Variants in PRKCH observed in about 807,000 individuals in gnomAD.
The protein encoded by PRKCH is protein kinase C eta type.
Under a neutral mutation model 82.5 loss-of-function variants are expected in PRKCH, and 28 were observed. The observed-to-expected ratio is 0.34, with a 90% confidence interval of 0.25 to 0.47. The LOEUF (loss-of-function observed/expected upper bound fraction) is 0.47, where lower values mean the gene tolerates loss of function less well. PRKCH is among the 20% of genes least tolerant of loss of function. PRKCH has a pLI of 1.00. For missense variants in PRKCH, 705 were observed against 881.8 expected (o/e 0.80, Z 2.54); for synonymous variants, 322 against 327.4 (o/e 0.98, Z 0.18).
chr14:61,449,884 CTCTCTCTCTCTCTCTCTG>C (rs201501625), intron 5 of PRKCH, among the ~76,000 whole-genome samples: 72,892 of 134,246 alleles, frequency 0.54, 21,886 homozygotes, highest in Non-Finnish European at 0.7. Flanking sequence ...CTCTCTCTCT[CTCTCTCTCTCTCTCTCTG>C]TGTGTGTGTG....
chr14:61,238,650 T>C (rs2044810391), intron 1 of PRKCH, among the ~76,000 whole-genome samples: 1 of 152,218 alleles, frequency 6.6e-6, no homozygotes, highest in African/African-American at 2.4e-5. Flanking sequence ...TTTTTCCGTT[T>C]AGTTTCACCT....
intron 1 of PRKCH, among the ~76,000 whole-genome samples, chr14:61,230,622 T>C (rs944200601): frequency 6.6e-6 from 1 of 152,224 alleles, no homozygotes; most frequent in East Asian, 1.9e-4. Context: ...TCCATCTATA[T>C]GTATGACAGA....
rs184778044 is a variant in PRKCH, at chr14:61,280,142, G to T, written c.-19+92474G>T. On this transcript the variant is annotated intron_variant, in intron 1 of 3. Coordinates refer to the PRKCH transcript ENST00000555185. The surrounding 1 kb of genome is among the most constrained non-coding windows in gnomAD (Gnocchi z 5.0). The stretch of plus-strand genomic sequence containing the variant: ...TCCTGGTAGCGAATGTAGACGACCA[G>T]CATGACAAAGCCGGTGAGGATGCAG... 1.4e-5 allele frequency: 23 copies of T among 1,614,036 alleles called. No homozygotes were observed. In the Admixed American group the frequency reaches 2.7e-4, roughly 19 times the overall value.
At chr14:61,476,477 C>T (rs897753361) in intron 9 of PRKCH, 3 of 152,196 alleles carry the variant, frequency 2.0e-5, no homozygotes, top group Admixed American at 6.6e-5. Flanking sequence ...CTGCTGTACC[C>T]CTGATCATAT....
At chr14:61,526,492 GCATTTTCTAGTGGC>G (rs1473836192) in intron 10 of PRKCH, among the ~76,000 whole-genome samples, 2 of 152,176 alleles carry the variant, frequency 1.3e-5, no homozygotes, top group African/African-American at 4.8e-5. Context: ...CCATTCCTGG[GCATTTTCTAGTGGC>G]CATTTTCTGT....
intron 1 of PRKCH, among the ~76,000 whole-genome samples, chr14:61,245,980 T>A (rs1404052355): frequency 6.6e-6 from 1 of 152,152 alleles, no homozygotes; most frequent in Non-Finnish European, 1.5e-5. Flanking sequence ...ATCAGTGATG[T>A]GAGGGAGAGC....
chr14:61,252,551 A>G (rs2044955840), intron 1 of PRKCH, among the ~76,000 whole-genome samples: 2 of 152,170 alleles, frequency 1.3e-5, no homozygotes, highest in Non-Finnish European at 1.5e-5. Flanking sequence ...CTGGGATGAG[A>G]TATCTGGCTG....
chr14:61,276,936 C>A (rs1337178190), intron 1 of PRKCH, among the ~76,000 whole-genome samples: 6 of 152,120 alleles, frequency 3.9e-5, no homozygotes, highest in Non-Finnish European at 8.8e-5. Context: ...GTAATCCCAG[C>A]ACTTTGGGAG....
intron 2 of PRKCH, among the ~76,000 whole-genome samples, chr14:61,415,890 A>G (rs1029639243): frequency 1.3e-5 from 2 of 152,010 alleles, no homozygotes; most frequent in African/African-American, 4.8e-5. Context: ...TTCTGTCTCT[A>G]TAGATTTGAC....
At chr14:61,247,661 T>C in intron 1 of PRKCH, among the ~76,000 whole-genome samples, 1 of 129,370 alleles carries the variant, frequency 7.7e-6, no homozygotes, top group East Asian at 2.5e-4. Flanking sequence ...GCTTGAACCC[T>C]GGAGGCGGAG....
intron 2 of PRKCH, among the ~76,000 whole-genome samples, chr14:61,394,678 A>G (rs773949566): frequency 6.6e-6 from 1 of 152,150 alleles, no homozygotes; most frequent in Non-Finnish European, 1.5e-5. Context: ...AATACATCTG[A>G]TTGTTCTCAT....
intron 1 of PRKCH, among the ~76,000 whole-genome samples, chr14:61,196,233 A>G (rs1011418514): frequency 2.6e-5 from 4 of 152,200 alleles, no homozygotes; most frequent in Admixed American, 1.3e-4. Context: ...ATTGCCACCT[A>G]GTGTTAAGAA....
At chr14:61,206,554 G>A (rs2044525733) in intron 1 of PRKCH, among the ~76,000 whole-genome samples, 1 of 152,162 alleles carries the variant, frequency 6.6e-6, no homozygotes, top group South Asian at 2.1e-4. Flanking sequence ...GGACACTAAT[G>A]AACCCACTAT....
chr14:61,237,452 G>C (rs997001922), intron 1 of PRKCH, among the ~76,000 whole-genome samples: 1 of 151,986 alleles, frequency 6.6e-6, no homozygotes, highest in Admixed American at 6.5e-5. Context: ...CATCCTGATC[G>C]AGGAGAGAAT....
At chr14:61,511,910 A>T (rs1594775282) in intron 10 of PRKCH, among the ~76,000 whole-genome samples, 1 of 152,152 alleles carries the variant, frequency 6.6e-6, no homozygotes, top group African/African-American at 2.4e-5. Context: ...TAAAACTCAG[A>T]GTGTAACTGC....
chr14:61,214,155 G>C (rs1341192243), intron 1 of PRKCH, among the ~76,000 whole-genome samples: 1 of 152,178 alleles, frequency 6.6e-6, no homozygotes, highest in Non-Finnish European at 1.5e-5. Context: ...TGGCCTTTGG[G>C]CTGAAAGCTT....
At chr14:61,332,716 T>G (rs1053422443) in intron 1 of PRKCH, among the ~76,000 whole-genome samples, 1 of 152,238 alleles carries the variant, frequency 6.6e-6, no homozygotes, top group Non-Finnish European at 1.5e-5. Context: ...ATTTCAGACC[T>G]AGCCTCTGTT....
chr14:61,389,847 T>C (rs1032711827), intron 1 of PRKCH, among the ~76,000 whole-genome samples: 5 of 147,044 alleles, frequency 3.4e-5, no homozygotes, highest in Non-Finnish European at 7.4e-5. Context: ...CCTGGTCTAG[T>C]AGGGGGGCTC....
chr14:61,488,039 G>A (rs1886302485), intron 10 of PRKCH, among the ~76,000 whole-genome samples: 1 of 152,068 alleles, frequency 6.6e-6, no homozygotes, highest in Non-Finnish European at 1.5e-5. Flanking sequence ...TGTAGTCCCA[G>A]CTACTCGGGA....
Sources: allele counts gnomAD v4.1 joint callset (sites outside exome capture counted in the v4.1 genomes callset), GRCh38; gene constraint gnomAD v4.1.1; non-coding constraint Gnocchi (gnomAD v3.1); transcripts MANE v1.5; gene names NCBI Gene and HGNC (gene_info 2026-07-23, HGNC 2026-07-21).